Variants in NR6A1 observed in about 807,000 individuals in gnomAD.
The protein encoded by NR6A1 is retinoic acid receptor-related testis-associated receptor.
NR6A1 carries 7 observed loss-of-function variants against 59.1 expected under a neutral mutation model. The ratio of observed to expected loss-of-function variants is 0.12; its 90% CI spans 0.07 to 0.22. The LOEUF is 0.22. Among genes scored for constraint, NR6A1 ranks in the 10% least tolerant of loss-of-function variants. The probability of loss-of-function intolerance (pLI) is 1.00; values close to 1 mark genes in which losing one functional copy is unlikely to be tolerated. For synonymous variants in NR6A1, 243 were observed against 236.1 expected (o/e 1.03, Z -0.27); for missense variants, 468 against 611.6 (o/e 0.77, Z 2.48).
chr9:124,524,556 C>A (rs767740183), intron 9 of NR6A1, among the ~76,000 whole-genome samples, 165 bp downstream of exon 9: 1 of 152,142 alleles, frequency 6.6e-6, no homozygotes, highest in Non-Finnish European at 1.5e-5. Context: ...ATGGAGAATG[C>A]AAGCTTCTCA....
chr9:124,770,867 G>A (rs1307483005), intron 1 of NR6A1, among the ~76,000 whole-genome samples, 153 bp downstream of exon 1: 1 of 151,890 alleles, frequency 6.6e-6, no homozygotes, highest in African/African-American at 2.4e-5. Context: ...GAGGGTCCGC[G>A]CCAACGGGGA....
intron 1 of NR6A1, among the ~76,000 whole-genome samples, chr9:124,745,584 T>A (rs1467972435): frequency 6.7e-6 from 1 of 149,270 alleles, no homozygotes; most frequent in African/African-American, 2.5e-5. Context: ...GGCAGGAGAA[T>A]CGCTTGAACC....
chr9:124,583,493 T>C (rs892135312), intron 2 of NR6A1, among the ~76,000 whole-genome samples: 13 of 152,170 alleles, frequency 8.5e-5, no homozygotes. Flanking sequence ...TGCTCCTTTC[T>C]AGCAAGGTAC....
intron 2 of NR6A1, among the ~76,000 whole-genome samples, chr9:124,615,593 A>G (rs1835866614): frequency 6.6e-6 from 1 of 152,030 alleles, no homozygotes. Flanking sequence ...AAAGCACCTA[A>G]CAAATCCTTG....
At chr9:124,692,496 G>T (rs745991765) in intron 2 of NR6A1, 1 of 532,212 alleles carries the variant, frequency 1.9e-6, no homozygotes. Flanking sequence ...CAACGCTGTC[G>T]GTGAGTTTGG....
intron 2 of NR6A1, among the ~76,000 whole-genome samples, chr9:124,572,311 A>C (rs1368434072): frequency 2.6e-5 from 4 of 152,252 alleles, no homozygotes; most frequent in Non-Finnish European, 5.9e-5. Context: ...CTTTTGCCTC[A>C]AGGCTCCAAT....
chr9:124,714,209 A>G (rs1839355698), intron 2 of NR6A1, among the ~76,000 whole-genome samples: 1 of 152,190 alleles, frequency 6.6e-6, no homozygotes, highest in Admixed American at 6.5e-5. Context: ...AGAGACAAAA[A>G]GTAGAATGGT....
At chr9:124,525,917 A>G (rs1395150935) in intron 8 of NR6A1, among the ~76,000 whole-genome samples, 5 of 152,188 alleles carry the variant, frequency 3.3e-5, no homozygotes, top group Non-Finnish European at 7.3e-5. Flanking sequence ...AGTTTTCTCA[A>G]TGTCTTTAAT....
intron 1 of NR6A1, among the ~76,000 whole-genome samples, chr9:124,770,683 A>G (rs1588870833): frequency 3.0e-5 from 2 of 67,162 alleles, no homozygotes; most frequent in Admixed American, 2.0e-4. Context: ...ACCCGGGGGG[A>G]GGAGGGAGGA....
At chr9:124,528,241 T>C (rs1832996004) in intron 7 of NR6A1, among the ~76,000 whole-genome samples, 1 of 152,172 alleles carries the variant, frequency 6.6e-6, no homozygotes, top group Non-Finnish European at 1.5e-5. Flanking sequence ...CTGGCTCTGG[T>C]TGGGGCCAGA....
chr9:124,570,858 A>G (rs944929267), intron 2 of NR6A1, among the ~76,000 whole-genome samples: 5 of 152,206 alleles, frequency 3.3e-5, no homozygotes, highest in Non-Finnish European at 4.4e-5. Flanking sequence ...ATCTAAACAA[A>G]TAAGTATTTT....
intron 2 of NR6A1, among the ~76,000 whole-genome samples, chr9:124,577,102 A>C (rs991928975): frequency 2.0e-5 from 3 of 152,088 alleles, no homozygotes; most frequent in African/African-American, 7.2e-5. Context: ...TATTATGACT[A>C]TGCTTATTTC....
chr9:124,723,575 G>A (rs1839626058), intron 2 of NR6A1, among the ~76,000 whole-genome samples: 2 of 152,150 alleles, frequency 1.3e-5, no homozygotes. Context: ...ACACCTTTGT[G>A]TCATTAAGAA....
chr9:124,650,562 G>A (rs755380568), intron 2 of NR6A1, among the ~76,000 whole-genome samples: 19 of 152,248 alleles, frequency 1.2e-4, no homozygotes, highest in Non-Finnish European at 2.1e-4. Context: ...ACAATTTACC[G>A]CATATTTCAA....
chr9:124,765,850 T>G (rs1235427801), intron 1 of NR6A1, among the ~76,000 whole-genome samples: 2 of 152,232 alleles, frequency 1.3e-5, no homozygotes, highest in Non-Finnish European at 2.9e-5. Flanking sequence ...AATGTTTTAT[T>G]CTTTCAAATG....
intron 2 of NR6A1, among the ~76,000 whole-genome samples, chr9:124,620,757 A>G (rs1836045024): frequency 6.6e-6 from 1 of 152,068 alleles, no homozygotes; most frequent in Admixed American, 6.5e-5. Flanking sequence ...TATACCAAAC[A>G]TCGCTCAACT....
At chr9:124,643,101 T>TG (rs539674589) in intron 2 of NR6A1, among the ~76,000 whole-genome samples, 5,920 of 30,970 alleles carry the variant, frequency 0.19, 239 homozygotes, top group East Asian at 0.3. Flanking sequence ...AGCCCTCGGG[T>TG]GGGGGGGGGG....
At chr9:124,676,917 T>C (rs1479556770) in intron 2 of NR6A1, among the ~76,000 whole-genome samples, 1 of 152,170 alleles carries the variant, frequency 6.6e-6, no homozygotes, top group Non-Finnish European at 1.5e-5. Flanking sequence ...CAGAGCTAAG[T>C]GGTTACCTTT....
chr9:124,560,026 G>C (rs1013875408), intron 2 of NR6A1, among the ~76,000 whole-genome samples: 10 of 152,120 alleles, frequency 6.6e-5, no homozygotes, highest in African/African-American at 2.4e-4. Context: ...TTTTATAACA[G>C]GAAAAACGGG....
Sources: allele counts gnomAD v4.1 joint callset (sites outside exome capture counted in the v4.1 genomes callset), GRCh38; gene constraint gnomAD v4.1.1; transcripts MANE v1.5; gene names NCBI Gene and HGNC (gene_info 2026-07-23, HGNC 2026-07-21).